The following BRIP1 variants were observed in gnomAD, a reference collection of about 807,000 sequenced individuals.
BRIP1 encodes the protein Fanconi anemia group J protein.
Under a neutral mutation model 119.7 loss-of-function variants are expected in BRIP1, and 88 were observed. The ratio of observed to expected loss-of-function variants is 0.74; its 90% CI spans 0.62 to 0.88. The LOEUF (loss-of-function observed/expected upper bound fraction) is 0.88, where lower values mean the gene tolerates loss of function less well. Ranked by LOEUF, BRIP1 falls within the 40% of genes least tolerant of loss-of-function variation. The pLI is 0.00. For missense variants in BRIP1, 1,259 were observed against 1,455.4 expected (o/e 0.87, Z 2.20); for synonymous variants, 443 against 496.5 (o/e 0.89, Z 1.43).
intron 4 of BRIP1, among the ~76,000 whole-genome samples, chr17:61,850,399 C>A (rs911506993): frequency 1.3e-5 from 2 of 151,978 alleles, no homozygotes; most frequent in Non-Finnish European, 2.9e-5. Context: ...CCGTGCCCAG[C>A]CAACAATCAT....
chr17:61,793,849 CATGA>C lies in BRIP1; in HGVS notation c.1341-124_1341-121del. The C allele has an allele frequency of 9.8e-7, 1 of 1,019,696 alleles. No individual in the cohort carries two copies. Among genetic ancestry groups the C allele is most frequent in the South Asian group, 2.1e-5 (1 of 46,762 alleles). 63.2% of individuals were successfully genotyped at this position (1,019,696 alleles called of 1,614,324 possible). A position where few individuals can be genotyped will look rare whatever the true frequency, so the allele number is the denominator to read the frequency against. ...TCTGTATATCTTGACATTCTTAGGA[CATGA>C]ATGTGGATTAATTAAGACACCTTTT... On this transcript the variant is annotated intron_variant, in intron 9 of 19. Coordinates refer to ENST00000259008, the MANE Select transcript of BRIP1 (RefSeq NM_032043.3). The surrounding 1 kb of genome is among the most constrained non-coding windows in gnomAD (Gnocchi z 5.2).
At chr17:61,829,800 T>G (rs1040696838) in intron 6 of BRIP1, among the ~76,000 whole-genome samples, 1 of 151,760 alleles carries the variant, frequency 6.6e-6, no homozygotes, top group South Asian at 2.1e-4. Context: ...CAGAAAAAAA[T>G]GTAACAACAT....
chr17:61,790,296 G>T (rs1473023546), intron 10 of BRIP1, among the ~76,000 whole-genome samples: 1 of 152,158 alleles, frequency 6.6e-6, no homozygotes, highest in Non-Finnish European at 1.5e-5. Flanking sequence ...TGTAATCCTA[G>T]CACTTTGGGA....
rs1168336382 is a variant in BRIP1 at position 61,806,175 on chromosome 17, C to T, written c.918+2292G>A. Among the ~76,000 whole-genome samples, 1 of 152,162 alleles carries T rather than the reference C, an allele frequency of 6.6e-6. No individual in the cohort carries two copies. Among genetic ancestry groups the T allele is most frequent in the Admixed American group, 6.5e-5 (1 of 15,278 alleles). On this transcript the variant is annotated intron_variant, in intron 7 of 19. Coordinates refer to ENST00000259008, the MANE Select transcript of BRIP1 (RefSeq NM_032043.3). The surrounding 1 kb of genome is among the most constrained non-coding windows in gnomAD (Gnocchi z 4.9). The stretch of plus-strand genomic sequence containing the variant: ...CATCCATTTTAGCAGTGTAACACAA[C>T]CCTGAGGAAGTCTGTCAATTGAAGT...
At chr17:61,702,499 C>T (rs2061629863) in intron 17 of BRIP1, among the ~76,000 whole-genome samples, 1 of 152,136 alleles carries the variant, frequency 6.6e-6, no homozygotes, top group Admixed American at 6.6e-5. Flanking sequence ...CTGTTGTTCC[C>T]TTCTCTGTCC....
At position 61,827,704 on chromosome 17, in the gene BRIP1, G is replaced by A. The variant is rs925483046; in HGVS notation, c.628-18947C>T. ...AGATAGTGCCACTGCACTCCGGCCT[G>A]GGCGACAGAGTGAAGCCCTGTCTCA... On this transcript the variant is annotated intron_variant, in intron 6 of 19. Transcript: ENST00000259008. The surrounding 1 kb of genome is among the most constrained non-coding windows in gnomAD (Gnocchi z 5.8). 3.9e-5 allele frequency among the ~76,000 whole-genome samples: 6 copies of A among 152,192 alleles called. No homozygotes were observed. Among genetic ancestry groups the A allele is most frequent in the Non-Finnish European group, 8.8e-5 (6 of 68,030 alleles).
At chr17:61,833,100 T>C (rs2078516569) in intron 6 of BRIP1, among the ~76,000 whole-genome samples, 1 of 152,200 alleles carries the variant, frequency 6.6e-6, no homozygotes, top group South Asian at 2.1e-4. Flanking sequence ...AAGTTATCTT[T>C]CCACACCCAG....
chr17:61,801,454 A>T lies in BRIP1; in HGVS notation c.939T>A (p.Tyr313Ter). Residue 313 changes from tyrosine (Y) to a stop codon, truncating the protein, a stop_gained, in exon 8 of 20, where the codon TAT becomes TAA. Transcript: ENST00000259008. LOFTEE classifies it high-confidence loss of function. ...GATCACTAATTTTATGAACTCCATG[A>T]TAAAAATAGCAGGATTTTCCCTAGA... is the stretch of plus-strand genomic sequence containing the variant. ...DGKNGKSCYF[Y>*]HGVHKISDQH... 1 of 1,612,654 alleles carries T rather than the reference A, an allele frequency of 6.2e-7. No homozygotes were observed. The highest frequency in any genetic ancestry group is 2.2e-5 in the East Asian group (1 of 44,856).
chr17:61,799,337 A>C lies in BRIP1; in HGVS notation c.1141-38T>G. 1 of 1,526,314 alleles carries C rather than the reference A, an allele frequency of 6.6e-7. No homozygotes were observed. Among genetic ancestry groups the C allele is most frequent in the Non-Finnish European group, 9.1e-7 (1 of 1,104,748 alleles). 94.5% of individuals were successfully genotyped at this position (1,526,314 alleles called of 1,614,324 possible). A position where few individuals can be genotyped will look rare whatever the true frequency, so the allele number is the denominator to read the frequency against. The stretch of plus-strand genomic sequence containing the variant: ...AGAATTTTCTTGTAAAACATTTGGC[A>C]AAATAGATTTAACAACAGCAGGCAA... On this transcript the variant is annotated intron_variant, in intron 8 of 19. Coordinates refer to ENST00000259008, the MANE Select transcript of BRIP1 (RefSeq NM_032043.3). This position sits in a 1 kb window ranked among gnomAD's most constrained non-coding sequence, Gnocchi z 5.1.
In BRIP1 at chr17:61,708,665, C is replaced by T. The variant is rs2061729254; in HGVS notation, c.2492+7286G>A. On this transcript the variant is annotated intron_variant, in intron 17 of 19. Transcript: ENST00000259008. The surrounding 1 kb of genome is among the most constrained non-coding windows in gnomAD (Gnocchi z 4.4). ...TTTGGTCTGTTTTTCATGTTACAGA[C>T]TTTCTTTGACAATCTGGTGAAGACT... 6.6e-6 allele frequency among the ~76,000 whole-genome samples: 1 copy of T among 152,154 alleles called. No individual in the cohort carries two copies. Among genetic ancestry groups the T allele is most frequent in the African/African-American group, 2.4e-5 (1 of 41,426 alleles).
rs542228459 is a variant in BRIP1, at chr17:61,843,613, T to C, written c.627+3488A>G. On this transcript the variant is annotated intron_variant, in intron 6 of 19. Coordinates refer to ENST00000259008, the MANE Select transcript of BRIP1 (RefSeq NM_032043.3). The surrounding 1 kb of genome is among the most constrained non-coding windows in gnomAD (Gnocchi z 5.7). The stretch of plus-strand genomic sequence containing the variant: ...TGGTTATTTAAAACAGTGTGGAACC[T>C]CCTCTGCTCTCTCCTCTGTCCTCTC... Among the ~76,000 whole-genome samples the C allele has an allele frequency of 8.7e-4, 133 of 152,202 alleles. No homozygotes were observed. The highest frequency in any genetic ancestry group is 3.0e-3 in the African/African-American group (123 of 41,534).
chr17:61,831,698 T>C lies in BRIP1; in HGVS notation c.627+15403A>G, dbSNP rs2078495438. Among the ~76,000 whole-genome samples, 1 of 152,232 alleles carries C rather than the reference T, an allele frequency of 6.6e-6. No individual in the cohort carries two copies. The highest frequency in any genetic ancestry group is 1.5e-5 in the Non-Finnish European group (1 of 68,042). On this transcript the variant is annotated intron_variant, in intron 6 of 19. Coordinates refer to ENST00000259008, the MANE Select transcript of BRIP1 (RefSeq NM_032043.3). This position sits in a 1 kb window ranked among gnomAD's most constrained non-coding sequence, Gnocchi z 4.1. ...TTGTGAATAACACTCCTATGAACAC[T>C]GGTGTACAAGTATCTGAGTACCTGC...
chr17:61,859,480 C>T (rs2078943671), intron 3 of BRIP1, among the ~76,000 whole-genome samples: 1 of 152,146 alleles, frequency 6.6e-6, no homozygotes, highest in African/African-American at 2.4e-5. Flanking sequence ...TACAAGTGTA[C>T]ATCACCATGC....
At chr17:61,764,556 G>A (rs2077324010) in intron 14 of BRIP1, among the ~76,000 whole-genome samples, 1 of 152,094 alleles carries the variant, frequency 6.6e-6, no homozygotes, top group Non-Finnish European at 1.5e-5. Context: ...ATATGAAACT[G>A]TCAGCCAAAA....
intron 6 of BRIP1, among the ~76,000 whole-genome samples, chr17:61,826,633 G>GA (rs1319946851): frequency 1.4e-5 from 2 of 144,780 alleles, no homozygotes; most frequent in South Asian, 2.2e-4. Flanking sequence ...CAATCCTATG[G>GA]AAAAAAGCTA....
At position 61,860,738 on chromosome 17, in the gene BRIP1, C is replaced by A. The variant is rs1440964400; in HGVS notation, c.93+709G>T. On this transcript the variant is annotated intron_variant, in intron 2 of 19. Coordinates refer to ENST00000259008, the MANE Select transcript of BRIP1 (RefSeq NM_032043.3). This position sits in a 1 kb window ranked among gnomAD's most constrained non-coding sequence, Gnocchi z 4.1. ...GAATGTAAACAACCTAAATGTCTAC[C>A]AATAAGAAAATGGACAGATAAATTC... Among the ~76,000 whole-genome samples the A allele has an allele frequency of 1.3e-5, 2 of 152,074 alleles. No individual in the cohort carries two copies. The highest frequency in any genetic ancestry group is 4.1e-4 in the South Asian group (2 of 4,824).
chr17:61,749,052 G>C (rs890218857), intron 14 of BRIP1, among the ~76,000 whole-genome samples: 1 of 151,680 alleles, frequency 6.6e-6, no homozygotes, highest in Non-Finnish European at 1.5e-5. Context: ...CAAGAGAATC[G>C]CTTGAACCTG....
rs2144047760 is a variant in BRIP1, at chr17:61,680,459, T to C, written c.*2837A>G. Among the ~76,000 whole-genome samples, 1 of 150,748 alleles carries C rather than the reference T, an allele frequency of 6.6e-6. No homozygotes were observed. Among genetic ancestry groups the C allele is most frequent in the South Asian group, 2.1e-4 (1 of 4,774 alleles). On this transcript the variant is annotated 3_prime_UTR_variant, in exon 20 of 20. Coordinates refer to ENST00000259008, the MANE Select transcript of BRIP1 (RefSeq NM_032043.3). ...ATATGCTTAATTTTCTCATGTAGTTTACCAATTCTAAAGGTAATTTCTTTT... is the reference window on the plus strand; with the variant it reads ...ATATGCTTAATTTTCTCATGTAGTTCACCAATTCTAAAGGTAATTTCTTTT...
chr17:61,685,997 T>G lies in BRIP1; in HGVS notation c.2744A>C (p.Lys915Thr). 1 of 1,614,030 alleles carries G rather than the reference T, an allele frequency of 6.2e-7. No homozygotes were observed. The highest frequency in any genetic ancestry group is 1.1e-5 in the South Asian group (1 of 91,062). Residue 915 changes from lysine to threonine, a missense_variant, in exon 19 of 20, where the codon AAG (lysine) becomes ACG (threonine). Coordinates refer to ENST00000259008, the MANE Select transcript of BRIP1 (RefSeq NM_032043.3). The stretch of plus-strand genomic sequence containing the variant: ...CAGTAAATAAGGTGAGGTACTGTAC[T>G]TTAAAGAGGTCACTTCAAGTGTAGA... ...NESTLEVTSL[K>T]YSTSPYLLEA... is the part of the protein sequence containing the mutation.
Sources: gnomAD v4.1 joint callset for allele counts (sites outside exome capture counted in the v4.1 genomes callset) on GRCh38, gnomAD v4.1.1 for gene constraint, Gnocchi (gnomAD v3.1) non-coding constraint, MANE v1.5 for transcripts, NCBI Gene and HGNC (gene_info 2026-07-23, HGNC 2026-07-21) for gene names.